CHST9: variants seen among roughly 807,000 people sequenced by gnomAD.
CHST9 encodes the protein carbohydrate sulfotransferase 9.
In CHST9, 41 loss-of-function variants were observed where a neutral mutation model predicts 44.4. The ratio of observed to expected loss-of-function variants is 0.92; its 90% CI spans 0.72 to 1.20. CHST9 has a LOEUF of 1.20. CHST9 is among the 50% of genes most tolerant of loss of function. The pLI, the probability that CHST9 is intolerant of heterozygous loss-of-function variation, is 0.00. For missense variants in CHST9, 504 were observed against 516.5 expected, an observed-to-expected ratio of 0.98 and a Z score of 0.23; for synonymous variants, 171 against 178.4, an observed-to-expected ratio of 0.96 and a Z score of 0.33.
chr18:27,169,903 G>A (rs1598776749), intron 1 of CHST9, among the ~76,000 whole-genome samples: 1 of 152,002 alleles, frequency 6.6e-6, no homozygotes, highest in Admixed American at 6.6e-5. Flanking sequence ...CACTGCGCCT[G>A]GCCAGAAAAT....
chr18:27,153,326 C>G (rs866184026), intron 1 of CHST9, among the ~76,000 whole-genome samples: 4 of 152,088 alleles, frequency 2.6e-5, no homozygotes, highest in African/African-American at 9.7e-5. Flanking sequence ...TGTTACAGTT[C>G]TGGAGGCCAG....
At chr18:27,049,453 TTAAC>T (rs957856769) in intron 2 of CHST9, among the ~76,000 whole-genome samples, 2 of 151,952 alleles carry the variant, frequency 1.3e-5, no homozygotes, top group Admixed American at 6.6e-5. Context: ...GTCAGAAAAT[TTAAC>T]TATCCTAATA....
intron 2 of CHST9, among the ~76,000 whole-genome samples, chr18:27,069,436 A>C (rs2057815829): frequency 6.6e-6 from 1 of 152,342 alleles, no homozygotes; most frequent in Non-Finnish European, 1.5e-5. Flanking sequence ...AGTCCTCAAC[A>C]TGAAAAAGTG....
intron 4 of CHST9, among the ~76,000 whole-genome samples, chr18:26,996,148 G>A (rs1411695745): frequency 2.6e-5 from 4 of 152,172 alleles, no homozygotes; most frequent in Non-Finnish European, 5.9e-5. Context: ...AAGATGATGT[G>A]GGCAGGCCTG....
chr18:27,025,709 C>A (rs1050657519), intron 3 of CHST9, among the ~76,000 whole-genome samples: 3 of 152,110 alleles, frequency 2.0e-5, no homozygotes, highest in African/African-American at 7.2e-5. Context: ...TCCCCAGGGG[C>A]TGGACCTGGA....
intron 2 of CHST9, among the ~76,000 whole-genome samples, chr18:27,126,697 T>C (rs2162412): frequency 0.74 from 112,292 of 151,690 alleles, 42,086 homozygotes; most frequent in East Asian, 0.92. Context: ...AGGTTTGTCC[T>C]GAGAGCCACT....
intron 4 of CHST9, among the ~76,000 whole-genome samples, chr18:26,985,297 G>A (rs558472275): frequency 9.2e-5 from 14 of 152,284 alleles, no homozygotes; most frequent in African/African-American, 3.1e-4. Context: ...GTTGAGAAGA[G>A]ACTTTTGCTT....
At chr18:27,107,640 A>C (rs1238898305) in intron 2 of CHST9, among the ~76,000 whole-genome samples, 1 of 152,198 alleles carries the variant, frequency 6.6e-6, no homozygotes, top group Non-Finnish European at 1.5e-5. Flanking sequence ...TCTGGAGTGC[A>C]CATGGTCTTT....
At chr18:26,922,725 T>C (rs2055682801) in intron 5 of CHST9, among the ~76,000 whole-genome samples, 1 of 152,154 alleles carries the variant, frequency 6.6e-6, no homozygotes, top group East Asian at 1.9e-4. Flanking sequence ...AGCCTCTGCC[T>C]CCTGGGTTCC....
chr18:26,944,050 T>C (rs1568102623), intron 5 of CHST9, among the ~76,000 whole-genome samples: 1 of 152,122 alleles, frequency 6.6e-6, no homozygotes, highest in Non-Finnish European at 1.5e-5. Context: ...CACAATAAGG[T>C]CACAGAGATA....
Position 27,098,308 on chromosome 18 carries a change from A to G in CHST9, c.121+44381T>C, listed in dbSNP as rs180789338. 2.2e-3 allele frequency among the ~76,000 whole-genome samples: 337 copies of G among 152,272 alleles called. 2 individuals are homozygous for G. Among genetic ancestry groups the G allele is most frequent in the Admixed American group, 4.3e-3 (65 of 15,286 alleles). ...ACAATGATTAGAAAGTCAGGAAACA[A>G]CAGATGCTGGTGAGGCTGAAGAGAA... On this transcript the variant is annotated intron_variant, in intron 2 of 5. Coordinates refer to ENST00000618847, the MANE Select transcript of CHST9 (RefSeq NM_031422.6).
intron 2 of CHST9, among the ~76,000 whole-genome samples, chr18:27,125,965 T>C (rs2058419242): frequency 6.6e-6 from 1 of 152,212 alleles, no homozygotes; most frequent in African/African-American, 2.4e-5. Flanking sequence ...GAATGAAAGT[T>C]TGATAACTAA....
intron 5 of CHST9, among the ~76,000 whole-genome samples, chr18:26,938,231 C>A (rs373666424): frequency 6.6e-6 from 1 of 152,110 alleles, no homozygotes; most frequent in Non-Finnish European, 1.5e-5. Context: ...AAGCCCAGCA[C>A]TTCGACATTT....
chr18:27,141,623 G>A (rs1183896926), intron 2 of CHST9, among the ~76,000 whole-genome samples: 3 of 140,796 alleles, frequency 2.1e-5, no homozygotes, highest in Admixed American at 7.1e-5. Context: ...AAAAGTAGGA[G>A]GATAAACCAA....
At chr18:27,022,926 A>T (rs779303235) in intron 4 of CHST9, among the ~76,000 whole-genome samples, 2 of 152,204 alleles carry the variant, frequency 1.3e-5, no homozygotes, top group African/African-American at 2.4e-5. Context: ...TTATCTCTAC[A>T]TCCCTTGATG....
intron 2 of CHST9, among the ~76,000 whole-genome samples, chr18:27,128,691 T>C (rs2058446390): frequency 6.6e-6 from 1 of 152,248 alleles, no homozygotes; most frequent in East Asian, 1.9e-4. Context: ...ACTCCATTAA[T>C]GTGATAATCA....
chr18:26,988,040 T>C (rs1388809865), intron 4 of CHST9, among the ~76,000 whole-genome samples: 4 of 152,100 alleles, frequency 2.6e-5, no homozygotes, highest in African/African-American at 9.6e-5. Context: ...TAATGATGCA[T>C]ATCTACCCTA....
rs184375056 is a variant in CHST9 at position 26,952,413 on chromosome 18, C to A, written c.203-8047G>T. On this transcript the variant is annotated intron_variant, in intron 4 of 5. Transcript: ENST00000618847. ...TGGGGATTTTGTACATAGAGACTGC[C>A]TTTGCACCATAGTTTTTACCGGAGG... 1.4e-5 allele frequency: 6 copies of A among 436,078 alleles called. No individual in the cohort carries two copies. The East Asian group carries it at 3.5e-4, about 25-fold the overall frequency. The allele number at this position is 436,078 out of a possible 1,614,324, so 27.0% of individuals were successfully genotyped here.
In CHST9 at chr18:27,171,391, A is replaced by G. The variant is rs369365738; in HGVS notation, c.-97+13745T>C. Among the ~76,000 whole-genome samples the G allele has an allele frequency of 1.1e-4, 17 of 152,328 alleles. No individual in the cohort carries two copies. The East Asian group carries it at 2.9e-3, about 26-fold the overall frequency. ...TGATCATGAAATCTATTTATTCACA[A>G]AATAAACTAAAATAAAGAGAGAGGA... On this transcript the variant is annotated intron_variant, in intron 1 of 5. Coordinates refer to ENST00000618847, the MANE Select transcript of CHST9 (RefSeq NM_031422.6).
Sources: allele counts gnomAD v4.1 joint callset (sites outside exome capture counted in the v4.1 genomes callset), GRCh38; gene constraint gnomAD v4.1.1; transcripts MANE v1.5; gene names NCBI Gene and HGNC (gene_info 2026-07-23, HGNC 2026-07-21).